Variants in CFAP263 observed in about 807,000 individuals in gnomAD.
CFAP263 encodes cilia- and flagella-associated protein 263.
At chr16:58,251,423 G>A in the CFAP263 span, among the ~76,000 whole-genome samples, 1 of 152,094 alleles carries the variant, frequency 6.6e-6, no homozygotes, top group Non-Finnish European at 1.5e-5. Context: ...AATCTCACTC[G>A]CTCTGTCGCC....
the CFAP263 span, among the ~76,000 whole-genome samples, chr16:58,273,377 T>G: frequency 2.0e-5 from 3 of 152,292 alleles, no homozygotes; most frequent in African/African-American, 7.2e-5. Context: ...TTCTTGGTTC[T>G]CTTTTCTCTC....
the CFAP263 span, chr16:58,279,769 G>T: frequency 2.5e-6 from 4 of 1,612,738 alleles, no homozygotes; most frequent in African/African-American, 4.0e-5. Flanking sequence ...TTACCTTGCT[G>T]GGAAGTAGCC....
chr16:58,281,455 T>TGGTCAGAAAA, the CFAP263 span: 1 of 152,408 alleles, frequency 6.6e-6, no homozygotes, highest in South Asian at 2.1e-4. Context: ...CTGATGTCGC[T>TGGTCAGAAAA]ATAAAGGCCA....
the CFAP263 span, chr16:58,282,485 A>C: frequency 6.6e-6 from 1 of 152,388 alleles, no homozygotes; most frequent in Non-Finnish European, 1.5e-5. Flanking sequence ...GCCACACCAG[A>C]ACAGAGATGA....
the CFAP263 span, among the ~76,000 whole-genome samples, chr16:58,256,052 A>C: frequency 6.6e-6 from 1 of 152,164 alleles, no homozygotes; most frequent in African/African-American, 2.4e-5. Flanking sequence ...TGAAAAGTAG[A>C]TACTTCTGTT....
chr16:58,252,745 C>A, the CFAP263 span: 1 of 1,613,618 alleles, frequency 6.2e-7, no homozygotes, highest in Non-Finnish European at 8.5e-7. Context: ...ACTCTGCTCT[C>A]AAAACTGAGA....
chr16:58,257,252 C>A, the CFAP263 span, among the ~76,000 whole-genome samples: 11 of 111,204 alleles, frequency 9.9e-5, no homozygotes, highest in Non-Finnish European at 1.9e-4. Context: ...CTCCTGACCT[C>A]GTGATCCGCC....
chr16:58,278,557 A>T, the CFAP263 span: 3 of 1,614,184 alleles, frequency 1.9e-6, no homozygotes, highest in Non-Finnish European at 2.5e-6. Context: ...ACAGGTGATG[A>T]CTTACGTCCG....
At chr16:58,258,319 C>T in the CFAP263 span, 2 of 1,581,722 alleles carry the variant, frequency 1.3e-6, no homozygotes, top group Non-Finnish European at 1.7e-6. Context: ...AAGACACATC[C>T]TTGAAGATTG....
chr16:58,259,483 C>G, the CFAP263 span, among the ~76,000 whole-genome samples: 130 of 152,178 alleles, frequency 8.5e-4, no homozygotes, highest in African/African-American at 2.9e-3. Flanking sequence ...ATCCTGGAGA[C>G]AAGGTAGGGT....
At chr16:58,270,410 G>A in the CFAP263 span, among the ~76,000 whole-genome samples, 2 of 152,090 alleles carry the variant, frequency 1.3e-5, no homozygotes, top group Non-Finnish European at 2.9e-5. Context: ...AAAAACAGAA[G>A]GGTTATATCG....
the CFAP263 span, among the ~76,000 whole-genome samples, chr16:58,255,338 C>G: frequency 6.6e-6 from 1 of 152,190 alleles, no homozygotes; most frequent in East Asian, 1.9e-4. Flanking sequence ...CTGCTTTGCT[C>G]TAGCTGCTCT....
chr16:58,254,609 CTTT>C, the CFAP263 span, among the ~76,000 whole-genome samples: 1 of 144,938 alleles, frequency 6.9e-6, no homozygotes, highest in Admixed American at 6.9e-5. Context: ...ACAGTAATTT[CTTT>C]TTTTTTTTTT....
At chr16:58,281,841 G>GGTATTTC in the CFAP263 span, 15,811 of 152,404 alleles carry the variant, frequency 0.1, 908 homozygotes, top group Admixed American at 0.13. Context: ...GTCTGTCTTG[G>GGTATTTC]TCACTCTCTC....
the CFAP263 span, chr16:58,280,227 G>C: frequency 1.2e-6 from 2 of 1,608,672 alleles, no homozygotes; most frequent in South Asian, 1.1e-5. Context: ...TCCTGGACTA[G>C]ATACTGCTGC....
chr16:58,259,027 A>AAATAAATG, the CFAP263 span, among the ~76,000 whole-genome samples: 1 of 148,394 alleles, frequency 6.7e-6, no homozygotes, highest in Non-Finnish European at 1.5e-5. Context: ...ATAAATAAAT[A>AAATAAATG]AATGCGTGTT....
chr16:58,252,962 C>A, the CFAP263 span: 2 of 1,062,956 alleles, frequency 1.9e-6, no homozygotes, highest in East Asian at 2.4e-5. Context: ...GACCATGGGA[C>A]CTTCTCCCTG....
chr16:58,259,803 A>G, the CFAP263 span: 4 of 1,212,546 alleles, frequency 3.3e-6, no homozygotes, highest in African/African-American at 1.5e-5. Context: ...AACCAATGGG[A>G]AAAAGGAGAG....
the CFAP263 span, chr16:58,254,299 T>G: frequency 1.2e-6 from 1 of 836,848 alleles, no homozygotes; most frequent in Non-Finnish European, 1.9e-6. Flanking sequence ...AGGGCCTATC[T>G]TCAAGGAACT....
Sources: gnomAD v4.1 joint callset for allele counts (sites outside exome capture counted in the v4.1 genomes callset) on GRCh38, gnomAD v4.1.1 for gene constraint, MANE v1.5 for transcripts, NCBI Gene and HGNC (gene_info 2026-07-23, HGNC 2026-07-21) for gene names.